CCDC85A: variants seen among roughly 807,000 people sequenced by gnomAD.
The protein encoded by CCDC85A is coiled-coil domain containing 85A, also known as coiled-coil domain-containing protein 85A.
In CCDC85A, 38 loss-of-function variants were observed where a neutral mutation model predicts 50.2. The ratio of observed to expected loss-of-function variants is 0.76; its 90% CI spans 0.58 to 0.99. The LOEUF (loss-of-function observed/expected upper bound fraction) is 0.99, where lower values mean the gene tolerates loss of function less well. Among genes scored for constraint, CCDC85A ranks in the 50% least tolerant of loss-of-function variants. CCDC85A has a pLI of 0.00. For missense variants in CCDC85A, 820 were observed against 742.0 expected, an observed-to-expected ratio of 1.11 and a Z score of -1.22; for synonymous variants, 366 against 301.4, an observed-to-expected ratio of 1.21 and a Z score of -2.22.
chr2:56,185,237 CA>C (rs1440033342), intron 1 of CCDC85A, among the ~76,000 whole-genome samples: 1 of 152,178 alleles, frequency 6.6e-6, no homozygotes, highest in Non-Finnish European at 1.5e-5. Context: ...GGGTTTCAGT[CA>C]GTTAGGCGGA....
At chr2:56,201,068 A>ACCTC (rs1558580952) in intron 2 of CCDC85A, among the ~76,000 whole-genome samples, 1 of 18,470 alleles carries the variant, frequency 5.4e-5, no homozygotes. Flanking sequence ...CAATTATTTC[A>ACCTC]TCTCTCTCCA....
At chr2:56,324,184 G>GTAGCC (rs1673355124) in intron 2 of CCDC85A, among the ~76,000 whole-genome samples, 1 of 152,048 alleles carries the variant, frequency 6.6e-6, no homozygotes, top group Non-Finnish European at 1.5e-5. Context: ...TGCTAAGCCA[G>GTAGCC]TAGCCTCAAA....
intron 3 of CCDC85A, among the ~76,000 whole-genome samples, chr2:56,356,797 C>T (rs780918680): frequency 5.3e-5 from 8 of 150,510 alleles, no homozygotes; most frequent in Non-Finnish European, 7.4e-5. Context: ...AGGCCGGGCA[C>T]GATGGCTCAT....
intron 2 of CCDC85A, among the ~76,000 whole-genome samples, chr2:56,294,512 A>G (rs1281026889): frequency 6.6e-6 from 1 of 152,230 alleles, no homozygotes; most frequent in African/African-American, 2.4e-5. Flanking sequence ...GGTTAAGGCC[A>G]GTGTTATGCA....
chr2:56,261,476 G>A (rs1467871935), intron 2 of CCDC85A, among the ~76,000 whole-genome samples: 2 of 152,158 alleles, frequency 1.3e-5, no homozygotes, highest in African/African-American at 4.8e-5. Flanking sequence ...CTGAAATTCA[G>A]CATACATTGC....
chr2:56,235,539 A>G (rs1428559397), intron 2 of CCDC85A, among the ~76,000 whole-genome samples: 2 of 152,194 alleles, frequency 1.3e-5, no homozygotes, highest in Non-Finnish European at 2.9e-5. Flanking sequence ...CACTGAAAAT[A>G]GAGACTAAAT....
intron 3 of CCDC85A, among the ~76,000 whole-genome samples, chr2:56,351,537 C>A (rs10166259): frequency 7.8e-6 from 1 of 128,042 alleles, no homozygotes; most frequent in African/African-American, 3.1e-5. Context: ...TTTTAATGAT[C>A]GCCATTCTAA....
At chr2:56,291,922 G>A (rs1323186135) in intron 2 of CCDC85A, among the ~76,000 whole-genome samples, 1 of 152,112 alleles carries the variant, frequency 6.6e-6, no homozygotes, top group Non-Finnish European at 1.5e-5. Flanking sequence ...GCAGGCCCAG[G>A]TGAGAGATGG....
At chr2:56,193,586 T>G (rs1676410298) in intron 2 of CCDC85A, 146 bp downstream of exon 2, 11 of 841,894 alleles carry the variant, frequency 1.3e-5, no homozygotes, top group Non-Finnish European at 5.4e-6. Flanking sequence ...GGACCCAAAA[T>G]CATGATATGG....
intron 2 of CCDC85A, among the ~76,000 whole-genome samples, chr2:56,323,541 C>T (rs530930636): frequency 4.6e-5 from 7 of 151,954 alleles, no homozygotes; most frequent in Non-Finnish European, 8.8e-5. Context: ...TCCAAATGCC[C>T]CCCTTGTTGA....
intron 2 of CCDC85A, among the ~76,000 whole-genome samples, chr2:56,266,406 A>G (rs1221434984): frequency 1.3e-5 from 2 of 152,178 alleles, no homozygotes; most frequent in Non-Finnish European, 2.9e-5. Flanking sequence ...CCTGTTTCTA[A>G]TAAAAGCAAA....
chr2:56,205,531 A>G (rs1676924106), intron 2 of CCDC85A, among the ~76,000 whole-genome samples: 1 of 152,186 alleles, frequency 6.6e-6, no homozygotes. Context: ...GAGATTTATT[A>G]CAACAAATTA....
rs532271159 is a variant in CCDC85A, at chr2:56,248,364, G to A, written c.1240+54924G>A. Among the ~76,000 whole-genome samples, 15 of 152,220 alleles carry A rather than the reference G, an allele frequency of 9.9e-5. No homozygotes were observed. The South Asian group carries it at 1.0e-3, about 11-fold the overall frequency. ...ATCGTAACCAGGGGCCAAGTGGAGC[G>A]GTGTACTCAGATGCTCCTTGTACCA... On this transcript the variant is annotated intron_variant, in intron 2 of 5. Coordinates refer to ENST00000407595, the MANE Select transcript of CCDC85A (RefSeq NM_001080433.2).
chr2:56,342,344 T>C lies in CCDC85A; in HGVS notation c.1241-535T>C, dbSNP rs185726186. Among the ~76,000 whole-genome samples, 304 of 152,310 alleles carry C rather than the reference T, an allele frequency of 2.0e-3. 1 individual carries two copies. Among genetic ancestry groups the C allele is most frequent in the African/African-American group, 6.7e-3 (278 of 41,578 alleles). On this transcript the variant is annotated intron_variant, in intron 2 of 5. Transcript: ENST00000407595. ...CAAACTTCAGAAATATTTTTAAAAG[T>C]CTTCCTCTGAAATGTCTCAATTCTT...
intron 2 of CCDC85A, among the ~76,000 whole-genome samples, chr2:56,315,557 C>T (rs1246533358): frequency 2.6e-5 from 4 of 152,152 alleles, no homozygotes; most frequent in African/African-American, 7.2e-5. Flanking sequence ...GTAGGTAAGA[C>T]CACCATATGG....
At chr2:56,319,189 T>C (rs1327572446) in intron 2 of CCDC85A, among the ~76,000 whole-genome samples, 2 of 152,106 alleles carry the variant, frequency 1.3e-5, no homozygotes. Flanking sequence ...GATTTACACA[T>C]AGCAACTCAA....
chr2:56,265,391 A>G (rs1052808537), intron 2 of CCDC85A, among the ~76,000 whole-genome samples: 2 of 151,458 alleles, frequency 1.3e-5, no homozygotes, highest in African/African-American at 4.8e-5. Flanking sequence ...CTTCATAACA[A>G]GAAAACAAAT....
chr2:56,280,605 C>T (rs1350987549), intron 2 of CCDC85A, among the ~76,000 whole-genome samples: 1 of 152,110 alleles, frequency 6.6e-6, no homozygotes. Flanking sequence ...AGACAATCCC[C>T]TCCCCCAAGC....
chr2:56,347,939 T>A (rs1321304582), intron 3 of CCDC85A, among the ~76,000 whole-genome samples: 1 of 152,212 alleles, frequency 6.6e-6, no homozygotes, highest in Non-Finnish European at 1.5e-5. Context: ...AAAATATCTT[T>A]AAATGGATGA....
Sources: allele counts gnomAD v4.1 joint callset (sites outside exome capture counted in the v4.1 genomes callset), GRCh38; gene constraint gnomAD v4.1.1; transcripts MANE v1.5; gene names NCBI Gene and HGNC (gene_info 2026-07-23, HGNC 2026-07-21).